RBM25: variants seen among roughly 807,000 people sequenced by gnomAD.
RBM25 encodes the protein RNA binding motif protein 25.
In RBM25, 19 loss-of-function variants were observed where a neutral mutation model predicts 120.7. That is an observed-to-expected ratio of 0.16 (90% CI 0.11 to 0.23). The LOEUF is 0.23. RBM25 is among the 10% of genes least tolerant of loss of function. The pLI is 1.00. For missense variants in RBM25, 605 were observed against 1,041.5 expected, an observed-to-expected ratio of 0.58 and a Z score of 5.77; for synonymous variants, 390 against 326.7, an observed-to-expected ratio of 1.19 and a Z score of -2.09.
At chr14:73,114,911 C>T (rs1333332870) in intron 18 of RBM25, among the ~76,000 whole-genome samples, 1 of 152,030 alleles carries the variant, frequency 6.6e-6, no homozygotes, top group Admixed American at 6.6e-5. Context: ...ATAAATAAGG[C>T]TTCATTCTTT....
Position 73,097,207 on chromosome 14 carries a change from T to C in RBM25, c.729+107T>C, listed in dbSNP as rs1301649236. ...TTCTTTTTTCTTTTCTTTTTTTTTT[T>C]TTTTTTTTTTTGAGATGGAGGCTCA... On this transcript the variant is annotated intron_variant, in intron 7 of 18. Coordinates refer to ENST00000261973, the MANE Select transcript of RBM25 (RefSeq NM_021239.3). 1.3e-3 allele frequency: 1,003 copies of C among 772,368 alleles called. 40 individuals carry two copies. In the African/African-American group the frequency reaches 0.02, roughly 15 times the overall value. The allele number at this position is 772,368 out of a possible 1,614,324, so 47.8% of individuals were successfully genotyped here. A position where few individuals can be genotyped will look rare whatever the true frequency, so the allele number is the denominator to read the frequency against.
At position 73,093,592 on chromosome 14, in the gene RBM25, C is replaced by T. The variant is rs143428049; in HGVS notation, c.544-3323C>T. Among the ~76,000 whole-genome samples, 143 of 152,096 alleles carry T rather than the reference C, an allele frequency of 9.4e-4. 1 individual carries two copies. Among genetic ancestry groups the T allele is most frequent in the African/African-American group, 1.1e-3 (45 of 41,496 alleles). On this transcript the variant is annotated intron_variant, in intron 6 of 18. Coordinates refer to ENST00000261973, the MANE Select transcript of RBM25 (RefSeq NM_021239.3). ...TGTAATCTCGGCTCACTGCAACCTC[C>T]GCCTCCTGGGTTCAAGCGATTCTCC...
chr14:73,104,370 G>A (rs1594928943), intron 10 of RBM25, among the ~76,000 whole-genome samples: 1 of 149,840 alleles, frequency 6.7e-6, no homozygotes, highest in African/African-American at 2.5e-5. Flanking sequence ...TAATTATATT[G>A]ATTTTTTTTT....
chr14:73,111,851 T>C (rs769908951), intron 16 of RBM25, 49 bp downstream of exon 16: 1 of 1,511,866 alleles, frequency 6.6e-7, no homozygotes, highest in South Asian at 1.3e-5. Flanking sequence ...AGTTGGAATA[T>C]GCCATACAAA....
intron 8 of RBM25, 68 bp downstream of exon 8, chr14:73,099,501 C>G (rs1896018147): frequency 6.3e-7 from 1 of 1,585,788 alleles, no homozygotes; most frequent in African/African-American, 1.4e-5. Context: ...TCATTCTTGT[C>G]TATCTGATTT....
At chr14:73,099,130 C>G (rs1896009954) in intron 7 of RBM25, among the ~76,000 whole-genome samples, 1 of 152,014 alleles carries the variant, frequency 6.6e-6, no homozygotes, top group Non-Finnish European at 1.5e-5. Context: ...GAAAGCCCTG[C>G]TACTATGAGA....
intron 6 of RBM25, among the ~76,000 whole-genome samples, chr14:73,092,942 T>A (rs1279454462): frequency 2.0e-5 from 3 of 152,216 alleles, no homozygotes; most frequent in African/African-American, 4.8e-5. Flanking sequence ...CATTTTAATT[T>A]AGATTTTGCA....
At chr14:73,093,726 C>T (rs1192889417) in intron 6 of RBM25, among the ~76,000 whole-genome samples, 2 of 151,778 alleles carry the variant, frequency 1.3e-5, no homozygotes, top group Non-Finnish European at 2.9e-5. Flanking sequence ...AGGCTGGTCT[C>T]AAACTCTGGA....
At chr14:73,097,201 T>TTTC (rs1895964066) in intron 7 of RBM25, 101 bp downstream of exon 7, 14 of 191,042 alleles carry the variant, frequency 7.3e-5, no homozygotes, top group East Asian at 2.4e-4. Flanking sequence ...CTTTTCTTTT[T>TTTC]TTTTTTTTTT....
chr14:73,079,610 G>T (rs745437878), intron 4 of RBM25, among the ~76,000 whole-genome samples: 2 of 150,460 alleles, frequency 1.3e-5, no homozygotes, highest in Non-Finnish European at 3.0e-5. Flanking sequence ...GCCATCCTCT[G>T]GAAATATTGT....
At chr14:73,113,118 G>T (rs1419732986) in intron 17 of RBM25, among the ~76,000 whole-genome samples, 1 of 151,976 alleles carries the variant, frequency 6.6e-6, no homozygotes, top group Non-Finnish European at 1.5e-5. Context: ...TTCTCCTAAT[G>T]CTCTCCCTCC....
In RBM25 at chr14:73,077,403, A is replaced by C. The variant is rs1269482975; in HGVS notation, c.191A>C (p.His64Pro). Reference sequence around the variant, plus strand: ...CCCACTGTGTCTATGGTTGGAAAGCATTTGGGCGCAAGAAAGGATCATCCA... The same window carrying C: ...CCCACTGTGTCTATGGTTGGAAAGCCTTTGGGCGCAAGAAAGGATCATCCA... ...LVPTVSMVGK[H>P]LGARKDHPGL... Residue 64 changes from histidine (H) to proline (P), a missense_variant, in exon 4 of 19, where the codon CAT becomes CCT. His to Pro is a moderately conservative substitution (Grantham distance 77). This residue lies in a region of RBM25 where 90 missense variants were observed against 107.3 expected (regional missense o/e 0.84). Coordinates refer to ENST00000261973, the MANE Select transcript of RBM25 (RefSeq NM_021239.3). 1 of 1,613,878 alleles carries C rather than the reference A, an allele frequency of 6.2e-7. No individual in the cohort carries two copies. The highest frequency in any genetic ancestry group is 1.7e-5 in the Admixed American group (1 of 60,012).
rs1894917951 is a variant in RBM25, at chr14:73,058,603, A to C, written c.-118A>C. 1 of 152,156 alleles carries C rather than the reference A, an allele frequency of 6.6e-6. No individual in the cohort carries two copies. Among genetic ancestry groups the C allele is most frequent in the Admixed American group, 6.6e-5 (1 of 15,258 alleles). The allele number at this position is 152,156 out of a possible 1,614,324, so 9.4% of individuals were successfully genotyped here. A position where few individuals can be genotyped will look rare whatever the true frequency, so the allele number is the denominator to read the frequency against. On this transcript the variant is annotated 5_prime_UTR_variant, in exon 1 of 19. Coordinates refer to ENST00000261973, the MANE Select transcript of RBM25 (RefSeq NM_021239.3). The stretch of plus-strand genomic sequence containing the variant: ...TGTGCGAGTAGGCGCTTGGGCACTC[A>C]GTCTCCCTGGCGAGCGACGGGCAGA...
chr14:73,070,328 A>G (rs539356638), intron 1 of RBM25, among the ~76,000 whole-genome samples: 3 of 152,240 alleles, frequency 2.0e-5, no homozygotes, highest in Non-Finnish European at 4.4e-5. Context: ...AAGTGTTGGG[A>G]TTACAGGCGT....
chr14:73,062,084 A>G (rs962138808), intron 1 of RBM25, among the ~76,000 whole-genome samples: 2 of 151,332 alleles, frequency 1.3e-5, no homozygotes, highest in African/African-American at 4.8e-5. Flanking sequence ...CCAGAACTCC[A>G]GGGCTCAAGT....
intron 1 of RBM25, chr14:73,059,370 C>CA (rs1277323104): frequency 6.6e-6 from 1 of 152,182 alleles, no homozygotes; most frequent in Non-Finnish European, 1.5e-5. Context: ...TGTATATCGC[C>CA]ATTCATTCTA....
At position 73,115,507 on chromosome 14, in the gene RBM25, G is replaced by A. The variant is rs1007693700; in HGVS notation, c.2439+1174G>A. On this transcript the variant is annotated intron_variant, in intron 18 of 18. Coordinates refer to ENST00000261973, the MANE Select transcript of RBM25 (RefSeq NM_021239.3). ...ATGTCCCTGTAAAGGACACTATTTCGTTTTTTATGGCCACAAGATTGTACA... is the reference window on the plus strand; with the variant it reads ...ATGTCCCTGTAAAGGACACTATTTCATTTTTTATGGCCACAAGATTGTACA... 5.9e-5 allele frequency among the ~76,000 whole-genome samples: 9 copies of A among 152,254 alleles called. No individual in the cohort carries two copies. In the South Asian group the frequency reaches 6.2e-4, roughly 11 times the overall value.
At chr14:73,091,569 T>A (rs1448634377) in intron 6 of RBM25, among the ~76,000 whole-genome samples, 2 of 152,004 alleles carry the variant, frequency 1.3e-5, no homozygotes, top group South Asian at 2.1e-4. Flanking sequence ...GATCTGTTGG[T>A]CTTCAGGAAA....
chr14:73,097,922 A>T (rs894722033), intron 7 of RBM25, among the ~76,000 whole-genome samples: 9 of 152,278 alleles, frequency 5.9e-5, no homozygotes, highest in African/African-American at 2.2e-4. Flanking sequence ...TCTCATACTT[A>T]TTTCCTTTGG....
Sources: allele counts gnomAD v4.1 joint callset (sites outside exome capture counted in the v4.1 genomes callset), GRCh38; gene constraint gnomAD v4.1.1; regional missense constraint gnomAD v4.1.1; transcripts MANE v1.5; gene names NCBI Gene and HGNC (gene_info 2026-07-23, HGNC 2026-07-21).